Variants in PHACTR1 observed in about 807,000 individuals in gnomAD.
The protein encoded by PHACTR1 is phosphatase and actin regulator 1, also known as RPEL repeat containing 1.
A neutral mutation model predicts 69.2 loss-of-function variants in PHACTR1; 16 were observed. The ratio of observed to expected loss-of-function variants is 0.23; its 90% CI spans 0.16 to 0.35. The LOEUF (loss-of-function observed/expected upper bound fraction) is 0.35. Ranked by LOEUF, PHACTR1 falls within the 10% of genes least tolerant of loss-of-function variation. The pLI is 1.00. For missense variants in PHACTR1, 510 were observed against 734.7 expected, an observed-to-expected ratio of 0.69 and a Z score of 3.54; for synonymous variants, 312 against 284.5, an observed-to-expected ratio of 1.10 and a Z score of -0.97.
chr6:13,260,954 C>A (rs1443430253), intron 10 of PHACTR1, among the ~76,000 whole-genome samples: 7 of 152,182 alleles, frequency 4.6e-5, no homozygotes, highest in Admixed American at 4.6e-4. Flanking sequence ...ACTGAATGAT[C>A]TTTGTGGTGG....
chr6:13,058,942 G>A (rs1386190164), intron 5 of PHACTR1, among the ~76,000 whole-genome samples: 5 of 152,136 alleles, frequency 3.3e-5, no homozygotes, highest in African/African-American at 1.2e-4. Flanking sequence ...GTGAGTAGCT[G>A]CAGACAGACC....
At chr6:12,792,103 T>C (rs1048196192) in intron 4 of PHACTR1, among the ~76,000 whole-genome samples, 1 of 151,946 alleles carries the variant, frequency 6.6e-6, no homozygotes, top group Admixed American at 6.6e-5. Context: ...CATAAGCATA[T>C]GTGTGTGTGT....
chr6:12,803,300 G>A (rs1442848792), intron 4 of PHACTR1, among the ~76,000 whole-genome samples: 1 of 152,158 alleles, frequency 6.6e-6, no homozygotes, highest in East Asian at 1.9e-4. Flanking sequence ...GACTGAGATT[G>A]GTGGTCTCTC....
intron 3 of PHACTR1, among the ~76,000 whole-genome samples, chr6:12,746,908 G>T (rs1175860034): frequency 6.6e-6 from 1 of 152,168 alleles, no homozygotes; most frequent in Non-Finnish European, 1.5e-5. Flanking sequence ...TTCACAGGAG[G>T]CACCATTCAT....
At chr6:12,829,182 G>A (rs750432392) in intron 4 of PHACTR1, among the ~76,000 whole-genome samples, 1 of 152,096 alleles carries the variant, frequency 6.6e-6, no homozygotes, top group Non-Finnish European at 1.5e-5. Context: ...TGTAGCTCTC[G>A]GCCCAGGGGA....
At chr6:12,741,854 AAT>A (rs1350000155) in intron 3 of PHACTR1, among the ~76,000 whole-genome samples, 1 of 151,734 alleles carries the variant, frequency 6.6e-6, no homozygotes, top group Non-Finnish European at 1.5e-5. Context: ...ATGCCTTGAT[AAT>A]ATGTGTCTTT....
At chr6:13,085,419 A>T (rs1424403478) in intron 5 of PHACTR1, among the ~76,000 whole-genome samples, 1 of 152,142 alleles carries the variant, frequency 6.6e-6, no homozygotes. Context: ...TCATAAAAGG[A>T]TAGACTAATA....
intron 6 of PHACTR1, among the ~76,000 whole-genome samples, chr6:13,162,767 A>G (rs144091242): frequency 5.3e-5 from 8 of 152,278 alleles, no homozygotes; most frequent in Non-Finnish European, 1.2e-4. Context: ...CTCATTTGAT[A>G]GGGAAAGAAA....
At chr6:13,182,147 C>T (rs1251008670) in intron 6 of PHACTR1, among the ~76,000 whole-genome samples, 1 of 152,018 alleles carries the variant, frequency 6.6e-6, no homozygotes, top group Admixed American at 6.6e-5. Context: ...GCAGGAGAAT[C>T]GCTTGAACCC....
chr6:12,837,322 A>G (rs1332494530), intron 4 of PHACTR1, among the ~76,000 whole-genome samples: 1 of 152,232 alleles, frequency 6.6e-6, no homozygotes, highest in Non-Finnish European at 1.5e-5. Context: ...ATATACTTTT[A>G]AAATTACTGT....
intron 4 of PHACTR1, among the ~76,000 whole-genome samples, chr6:12,833,714 G>A (rs1301905337): frequency 6.6e-6 from 1 of 152,160 alleles, no homozygotes. Flanking sequence ...GCACATGCAT[G>A]TGGACACAGT....
intron 4 of PHACTR1, among the ~76,000 whole-genome samples, chr6:12,780,781 C>G (rs545827215): frequency 1.3e-5 from 2 of 152,292 alleles, no homozygotes; most frequent in Admixed American, 1.3e-4. Flanking sequence ...ACTCTAAAAA[C>G]ATACACAAAG....
At chr6:13,050,621 C>G (rs923702071) in intron 4 of PHACTR1, among the ~76,000 whole-genome samples, 3 of 152,164 alleles carry the variant, frequency 2.0e-5, no homozygotes, top group Admixed American at 2.0e-4. Context: ...CAAATCAAGT[C>G]TCTCCTTCCT....
chr6:12,870,148 C>T (rs913016056), intron 4 of PHACTR1, among the ~76,000 whole-genome samples: 1 of 152,082 alleles, frequency 6.6e-6, no homozygotes, highest in Admixed American at 6.6e-5. Flanking sequence ...CCAATGCTTC[C>T]CCTGTATCAA....
At chr6:13,144,136 C>T (rs1822919783) in intron 5 of PHACTR1, among the ~76,000 whole-genome samples, 1 of 152,122 alleles carries the variant, frequency 6.6e-6, no homozygotes, top group South Asian at 2.1e-4. Flanking sequence ...GAAGGATATT[C>T]TCCTGAAATT....
At position 13,287,354 on chromosome 6, in the gene PHACTR1, A is replaced by ACTGT. The variant is rs754206184; in HGVS notation, c.*280_*283dup. On this transcript the variant is annotated 3_prime_UTR_variant, in exon 15 of 15. Coordinates refer to ENST00000332995, the MANE Select transcript of PHACTR1 (RefSeq NM_030948.6). The stretch of plus-strand genomic sequence containing the variant: ...GGCACCAGCAGGGCCCTGACTGAAG[A>ACTGT]CTGTCTGGCAGGTGGAACGGTCCTT... 1 of 490,978 alleles carries ACTGT rather than the reference A, an allele frequency of 2.0e-6. No homozygotes were observed. The highest frequency in any genetic ancestry group is 3.8e-5 in the Admixed American group (1 of 26,664). The allele number at this position is 490,978 out of a possible 1,614,324, so 30.4% of individuals were successfully genotyped here. A position where few individuals can be genotyped will look rare whatever the true frequency, so the allele number is the denominator to read the frequency against.
chr6:12,789,554 T>C (rs1561884084), intron 4 of PHACTR1, among the ~76,000 whole-genome samples: 1 of 152,056 alleles, frequency 6.6e-6, no homozygotes, highest in Non-Finnish European at 1.5e-5. Flanking sequence ...TCTTCCAGAC[T>C]CTATACTCAC....
At chr6:12,883,314 A>G (rs1026650528) in intron 4 of PHACTR1, among the ~76,000 whole-genome samples, 3 of 152,050 alleles carry the variant, frequency 2.0e-5, no homozygotes, top group Non-Finnish European at 4.4e-5. Flanking sequence ...CCTGGATTCA[A>G]GCAATTCTCC....
intron 4 of PHACTR1, among the ~76,000 whole-genome samples, chr6:13,014,121 G>C (rs542401242): frequency 3.3e-5 from 5 of 152,236 alleles, no homozygotes; most frequent in Admixed American, 2.0e-4. Context: ...CTGCAGTCGG[G>C]GGGAGGACGC....
Sources: allele counts gnomAD v4.1 joint callset (sites outside exome capture counted in the v4.1 genomes callset), GRCh38; gene constraint gnomAD v4.1.1; transcripts MANE v1.5; gene names NCBI Gene and HGNC (gene_info 2026-07-23, HGNC 2026-07-21).